The following TPO variants were observed in gnomAD, a reference collection of about 807,000 sequenced individuals.
TPO encodes thyroid microsomal antigen.
TPO carries 78 observed loss-of-function variants against 96.9 expected under a neutral mutation model. The ratio of observed to expected loss-of-function variants is 0.81; its 90% CI spans 0.67 to 0.97. The LOEUF (loss-of-function observed/expected upper bound fraction) is 0.97, where lower values mean the gene tolerates loss of function less well. TPO is among the 50% of genes least tolerant of loss of function. The pLI is 0.00. For missense variants in TPO, 1,252 were observed against 1,274.8 expected, an observed-to-expected ratio of 0.98 and a Z score of 0.27; for synonymous variants, 547 against 538.0, an observed-to-expected ratio of 1.02 and a Z score of -0.23.
chr2:1,521,803 C>A (rs1186487619), intron 15 of TPO, among the ~76,000 whole-genome samples: 1 of 152,022 alleles, frequency 6.6e-6, no homozygotes, highest in Non-Finnish European at 1.5e-5. Flanking sequence ...TAGAGACCCA[C>A]GTCTGCCCTG....
At chr2:1,394,804 T>A (rs1662053749) in intron 1 of TPO, among the ~76,000 whole-genome samples, 1 of 152,178 alleles carries the variant, frequency 6.6e-6, no homozygotes, top group Non-Finnish European at 1.5e-5. Flanking sequence ...CACTGAGCCC[T>A]TCACATTCTG....
intron 15 of TPO, among the ~76,000 whole-genome samples, chr2:1,524,041 C>G (rs1297366997): frequency 8.4e-6 from 1 of 118,746 alleles, no homozygotes; most frequent in African/African-American, 3.3e-5. Flanking sequence ...CTTCCCAAAT[C>G]CCCCCCATTG....
chr2:1,512,302 T>C (rs182801313), intron 14 of TPO: 1 of 677,842 alleles, frequency 1.5e-6, no homozygotes. Flanking sequence ...TGAAGCCAAA[T>C]GTGTCTCTAG....
At chr2:1,440,067 G>C (rs1665993845) in intron 5 of TPO, among the ~76,000 whole-genome samples, 1 of 151,658 alleles carries the variant, frequency 6.6e-6, no homozygotes, top group Admixed American at 6.6e-5. Flanking sequence ...TCCTTGTCTG[G>C]GCTGGTGCTG....
In TPO at chr2:1,542,923, C is replaced by CTCCTG. The variant is rs1680909617; in HGVS notation, c.*450_*454dup. ...CTTCCCTCTTCTCCTGGGAAGAGCACTCCTGGCTTCCTGCAGGGCCGGTGG... is the reference window on the plus strand; with the variant it reads ...CTTCCCTCTTCTCCTGGGAAGAGCACTCCTGTCCTGGCTTCCTGCAGGGCCGGTGG... On this transcript the variant is annotated 3_prime_UTR_variant, in exon 17 of 17. Transcript: ENST00000329066. 1 of 265,082 alleles carries CTCCTG rather than the reference C, an allele frequency of 3.8e-6. No homozygotes were observed. The highest frequency in any genetic ancestry group is 4.9e-5 in the Admixed American group (1 of 20,286). 16.4% of individuals were successfully genotyped at this position (265,082 alleles called of 1,614,324 possible).
At chr2:1,514,277 C>A (rs1390645278) in intron 14 of TPO, among the ~76,000 whole-genome samples, 2 of 152,234 alleles carry the variant, frequency 1.3e-5, no homozygotes, top group African/African-American at 4.8e-5. Context: ...GGAGAGCCGT[C>A]TGCTTTTCTC....
At chr2:1,448,956 C>T (rs752260729) in intron 5 of TPO, among the ~76,000 whole-genome samples, 6 of 152,134 alleles carry the variant, frequency 3.9e-5, no homozygotes, top group Non-Finnish European at 7.3e-5. Context: ...GCACAGAGAA[C>T]GAACGTGGCA....
At chr2:1,384,309 T>C (rs528702428) in intron 1 of TPO, among the ~76,000 whole-genome samples, 7 of 152,246 alleles carry the variant, frequency 4.6e-5, no homozygotes, top group East Asian at 1.9e-4. Context: ...GGCAGTATGG[T>C]CATTTTCACC....
At chr2:1,442,845 G>C (rs1666326654) in intron 5 of TPO, among the ~76,000 whole-genome samples, 1 of 152,224 alleles carries the variant, frequency 6.6e-6, no homozygotes, top group Admixed American at 6.5e-5. Context: ...ACAAAGGTCA[G>C]TGATTGATTA....
intron 1 of TPO, among the ~76,000 whole-genome samples, chr2:1,396,578 C>T (rs1482502037): frequency 1.3e-5 from 2 of 152,180 alleles, no homozygotes; most frequent in South Asian, 2.1e-4. Context: ...TGTTCTGGCA[C>T]CACATAAACA....
At chr2:1,535,440 CCCCCCA>C (rs1558435892) in intron 15 of TPO, among the ~76,000 whole-genome samples, 7 of 72,150 alleles carry the variant, frequency 9.7e-5, no homozygotes, top group Admixed American at 1.7e-4. Flanking sequence ...TCCCCAAATC[CCCCCCA>C]CTCTGTGCAA....
In TPO at chr2:1,433,364, T is replaced by G. The variant is rs1214176805; in HGVS notation, c.180-74T>G. 5.1e-6 allele frequency: 8 copies of G among 1,575,968 alleles called. No individual in the cohort carries two copies. The East Asian group carries it at 1.8e-4, about 36-fold the overall frequency. On this transcript the variant is annotated intron_variant, in intron 3 of 16. Coordinates refer to ENST00000329066, the MANE Select transcript of TPO (RefSeq NM_001206744.2). Reference sequence around the variant, plus strand: ...AGTAGTTACTCAATAAATGTCTGCTTAATTAATTAGTAATTAAGTACCAAA... The same window carrying G: ...AGTAGTTACTCAATAAATGTCTGCTGAATTAATTAGTAATTAAGTACCAAA...
At position 1,494,037 on chromosome 2, in the gene TPO, C is replaced by T. The variant is rs1672078678; in HGVS notation, c.2004C>T (p.Asp668=). 1.9e-6 allele frequency: 3 copies of T among 1,613,846 alleles called. No homozygotes were observed. The highest frequency in any genetic ancestry group is 2.5e-6 in the Non-Finnish European group (3 of 1,179,786). ...AGATGAAGGCTCTGCGGGACGGTGACTGGTACGTTCCTATCCAGAGCGTCT... is the reference window on the plus strand; with the variant it reads ...AGATGAAGGCTCTGCGGGACGGTGATTGGTACGTTCCTATCCAGAGCGTCT... ...GKQMKALRDG[D]WFWWENSHVF... is the part of the protein sequence containing the mutation. The change falls in exon 11 of 17, where the codon GAC becomes GAT. Residue 668 remains aspartate, a splice_region_variant and synonymous_variant. Coordinates refer to ENST00000329066, the MANE Select transcript of TPO (RefSeq NM_001206744.2).
intron 7 of TPO, among the ~76,000 whole-genome samples, chr2:1,468,432 T>C (rs1178562155): frequency 6.6e-6 from 1 of 152,206 alleles, no homozygotes; most frequent in Non-Finnish European, 1.5e-5. Context: ...TTTGTTTGTC[T>C]GGGAAAGATT....
intron 9 of TPO, among the ~76,000 whole-genome samples, chr2:1,485,268 G>A (rs905253322): frequency 3.3e-5 from 5 of 152,124 alleles, no homozygotes; most frequent in African/African-American, 1.2e-4. Context: ...GTATTCCTTG[G>A]TGTATATGTG....
chr2:1,486,375 A>G (rs1031156626), intron 9 of TPO, among the ~76,000 whole-genome samples: 1 of 151,906 alleles, frequency 6.6e-6, no homozygotes, highest in Non-Finnish European at 1.5e-5. Flanking sequence ...TACAAAATAA[A>G]CAAACAAAAA....
Position 1,530,340 on chromosome 2 carries a change from T to G in TPO, c.2619-10254T>G, listed in dbSNP as rs1350859501. Among the ~76,000 whole-genome samples the G allele has an allele frequency of 8.3e-4, 99 of 119,346 alleles. 2 individuals carry two copies. Among genetic ancestry groups the G allele is most frequent in the African/African-American group, 3.1e-3 (95 of 30,356 alleles). 78.3% of individuals were successfully genotyped at this position (119,346 alleles called of 152,430 possible). A position where few individuals can be genotyped will look rare whatever the true frequency, so the allele number is the denominator to read the frequency against. On this transcript the variant is annotated intron_variant, in intron 15 of 16. Coordinates refer to ENST00000329066, the MANE Select transcript of TPO (RefSeq NM_001206744.2). ...CCACACTGTGAGAAACCTCCTCAAA[T>G]CCCCCCAAGTGTGTGCAACGTCCCC...
chr2:1,377,334 G>A (rs1031086279), intron 1 of TPO, among the ~76,000 whole-genome samples: 1 of 152,126 alleles, frequency 6.6e-6, no homozygotes, highest in East Asian at 1.9e-4. Flanking sequence ...AGCCCTACAA[G>A]GATAATACAG....
intron 15 of TPO, among the ~76,000 whole-genome samples, chr2:1,530,063 CCA>C (rs1346623925): frequency 1.4e-5 from 2 of 146,692 alleles, no homozygotes; most frequent in African/African-American, 2.6e-5. Flanking sequence ...CCCAAGTCTC[CCA>C]CACTCTGTGC....
Sources: gnomAD v4.1 joint callset for allele counts (sites outside exome capture counted in the v4.1 genomes callset) on GRCh38, gnomAD v4.1.1 for gene constraint, MANE v1.5 for transcripts, NCBI Gene and HGNC (gene_info 2026-07-23, HGNC 2026-07-21) for gene names.